PON2: variants seen among roughly 807,000 people sequenced by gnomAD.
The protein encoded by PON2 is paraoxonase 2.
PON2 carries 27 observed loss-of-function variants against 36.6 expected under a neutral mutation model. The ratio of observed to expected loss-of-function variants is 0.74; its 90% CI spans 0.54 to 1.02. The LOEUF (loss-of-function observed/expected upper bound fraction) is 1.02, where lower values mean the gene tolerates loss of function less well. PON2 is among the 50% of genes least tolerant of loss of function. The pLI is 0.00. For missense variants in PON2, 363 were observed against 421.1 expected, an observed-to-expected ratio of 0.86 and a Z score of 1.21; for synonymous variants, 149 against 156.3, an observed-to-expected ratio of 0.95 and a Z score of 0.35.
chr7:95,433,936 T>C (rs1789501725), intron 1 of PON2, among the ~76,000 whole-genome samples: 1 of 152,258 alleles, frequency 6.6e-6, no homozygotes, highest in Admixed American at 6.5e-5. Flanking sequence ...ATTTACTGTA[T>C]TTTAATTCTC....
intron 5 of PON2, among the ~76,000 whole-genome samples, chr7:95,410,814 T>C (rs1012436143): frequency 6.6e-6 from 1 of 152,186 alleles, no homozygotes; most frequent in Non-Finnish European, 1.5e-5. Flanking sequence ...ATGAAAAATA[T>C]AGAGCTACAG....
intron 1 of PON2, 90 bp downstream of exon 1, chr7:95,434,788 A>C: frequency 7.1e-7 from 1 of 1,412,914 alleles, no homozygotes; most frequent in Middle Eastern, 2.4e-4. Flanking sequence ...TCCCGCAGGA[A>C]TCCCTCCCCC....
intron 8 of PON2, 53 bp downstream of exon 8, chr7:95,406,065 AT>A: frequency 6.5e-7 from 1 of 1,537,982 alleles, no homozygotes; most frequent in Non-Finnish European, 9.0e-7. Context: ...TTATTGTATT[AT>A]TAGTTCAAAA....
At chr7:95,412,841 C>T (rs1788967835) in intron 3 of PON2, 1 of 327,942 alleles carries the variant, frequency 3.0e-6, no homozygotes, top group Non-Finnish European at 5.8e-6. Flanking sequence ...GCATACAGTC[C>T]ATCCTTCTCC....
chr7:95,430,490 G>A (rs967537811), intron 1 of PON2, among the ~76,000 whole-genome samples: 1 of 151,932 alleles, frequency 6.6e-6, no homozygotes, highest in Non-Finnish European at 1.5e-5. Context: ...AGTAGAGATG[G>A]GGTTTCACCA....
rs1239310373 is a variant in PON2, at chr7:95,416,018, T to C, written c.201+224A>G. Reference sequence around the variant, plus strand: ...CACAGATTGCATTGGAATATTTTAGTGCAATGCAATGGGGAAATAAAGAAC... The same window carrying C: ...CACAGATTGCATTGGAATATTTTAGCGCAATGCAATGGGGAAATAAAGAAC... On this transcript the variant is annotated intron_variant, in intron 3 of 8. Coordinates refer to ENST00000222572, the MANE Select transcript of PON2 (RefSeq NM_000305.3). 4 of 702,118 alleles carry C rather than the reference T, an allele frequency of 5.7e-6. No individual in the cohort carries two copies. The East Asian group carries it at 1.1e-4, about 19-fold the overall frequency. The allele number at this position is 702,118 out of a possible 1,614,324, so 43.5% of individuals were successfully genotyped here. A position where few individuals can be genotyped will look rare whatever the true frequency, so the allele number is the denominator to read the frequency against.
At chr7:95,407,180 C>CTGT in intron 6 of PON2, 112 bp from the exon 7 acceptor site, 1 of 672,386 alleles carries the variant, frequency 1.5e-6, no homozygotes. Context: ...AATCATGGGC[C>CTGT]CTCAAGGAAT....
chr7:95,421,296 A>G (rs1260894664), intron 2 of PON2, among the ~76,000 whole-genome samples: 3 of 152,226 alleles, frequency 2.0e-5, no homozygotes, highest in Non-Finnish European at 4.4e-5. Context: ...GCAGTCTGTC[A>G]TGTAACATGG....
chr7:95,414,470 T>C (rs921895165), intron 3 of PON2, among the ~76,000 whole-genome samples: 2 of 152,182 alleles, frequency 1.3e-5, no homozygotes, highest in Admixed American at 6.5e-5. Flanking sequence ...TTTGTAACTA[T>C]AACATGCCCC....
chr7:95,417,678 C>T (rs10224756), intron 2 of PON2, among the ~76,000 whole-genome samples: 43 of 146,036 alleles, frequency 2.9e-4, no homozygotes, highest in African/African-American at 1.1e-3. Flanking sequence ...AGCACATACA[C>T]ATGTACACAC....
intron 2 of PON2, among the ~76,000 whole-genome samples, chr7:95,419,374 T>C (rs922462480): frequency 6.6e-6 from 1 of 151,988 alleles, no homozygotes; most frequent in African/African-American, 2.4e-5. Flanking sequence ...AGGGGGAGAA[T>C]TTCCAGGCAC....
chr7:95,421,400 C>T (rs762925972), intron 2 of PON2, among the ~76,000 whole-genome samples: 2 of 152,200 alleles, frequency 1.3e-5, no homozygotes, highest in Non-Finnish European at 2.9e-5. Context: ...CAATTATTAA[C>T]TCAGCAGCAA....
At chr7:95,416,166 A>G in intron 3 of PON2, 76 bp downstream of exon 3, 1 of 1,607,312 alleles carries the variant, frequency 6.2e-7, no homozygotes, top group Non-Finnish European at 8.5e-7. Flanking sequence ...TTTAAAAGCA[A>G]CTTACTGTTC....
At chr7:95,432,786 T>G (rs1789472928) in intron 1 of PON2, among the ~76,000 whole-genome samples, 2 of 152,202 alleles carry the variant, frequency 1.3e-5, no homozygotes. Flanking sequence ...TAAGCGTTCT[T>G]TCCTCAAATC....
Position 95,407,030 on chromosome 7 carries a change from T to G in PON2, c.734A>C (p.His245Pro), listed in dbSNP as rs1408886266. 2 of 1,597,858 alleles carry G rather than the reference T, an allele frequency of 1.3e-6. No homozygotes were observed. The highest frequency in any genetic ancestry group is 1.7e-6 in the Non-Finnish European group (2 of 1,165,736). ...CATATTAGTGTGTTTTTCCAAAACATGAATTTCATGAGCCAATATGTCAGC... is the reference window on the plus strand; with the variant it reads ...CATATTAGTGTGTTTTTCCAAAACAGGAATTTCATGAGCCAATATGTCAGC... ...YVADILAHEI[H>P]VLEKHTNMNL... The change falls in exon 7 of 9, where the codon CAT (histidine) becomes CCT (proline). Residue 245 changes from histidine (H) to proline (P), a missense_variant. Physicochemically the swap from His to Pro is moderately conservative, Grantham distance 77. Coordinates refer to ENST00000222572, the MANE Select transcript of PON2 (RefSeq NM_000305.3).
intron 1 of PON2, among the ~76,000 whole-genome samples, chr7:95,424,790 A>G: frequency 6.6e-6 from 1 of 151,394 alleles, no homozygotes; most frequent in Non-Finnish European, 1.5e-5. Context: ...CCTATTGCAA[A>G]GTTCTATATA....
At chr7:95,405,528 A>C in intron 8 of PON2, 40 bp from the exon 9 acceptor site, 1 of 1,566,536 alleles carries the variant, frequency 6.4e-7, no homozygotes, top group Non-Finnish European at 8.8e-7. Context: ...AGACCACCGT[A>C]CATGCATGTC....
Position 95,424,815 on chromosome 7 carries a change from TA to T in PON2, c.75-231del, listed in dbSNP as rs35852389. Among the ~76,000 whole-genome samples the T allele has an allele frequency of 0.33, 49,433 of 147,846 alleles. 9,035 individuals are homozygous for T. Among genetic ancestry groups the T allele is most frequent in the Middle Eastern group, 0.46 (132 of 290 alleles). On this transcript the variant is annotated intron_variant, in intron 1 of 8. Coordinates refer to ENST00000222572, the MANE Select transcript of PON2 (RefSeq NM_000305.3). The stretch of plus-strand genomic sequence containing the variant: ...AGTTCTATATACTGATGTGGGTTAT[TA>T]AAAAAAAAAAGCCAATAACTCAACA...
intron 1 of PON2, among the ~76,000 whole-genome samples, chr7:95,431,357 C>G (rs562845116): frequency 6.4e-4 from 98 of 152,218 alleles, no homozygotes; most frequent in Non-Finnish European, 1.6e-4. Flanking sequence ...AAAAATCAAA[C>G]ATAAAGCCTC....
Sources: allele counts gnomAD v4.1 joint callset (sites outside exome capture counted in the v4.1 genomes callset), GRCh38; gene constraint gnomAD v4.1.1; transcripts MANE v1.5; gene names NCBI Gene and HGNC (gene_info 2026-07-23, HGNC 2026-07-21).